The following ABR variants were observed in gnomAD, a reference collection of about 807,000 sequenced individuals.
The protein encoded by ABR is ABR activator of RhoGEF and GTPase, also known as active breakpoint cluster region-related protein.
In ABR, 35 loss-of-function variants were observed where a neutral mutation model predicts 107.2. That is an observed-to-expected ratio of 0.33 (90% confidence interval 0.25 to 0.43). The LOEUF is 0.43. Among genes scored for constraint, ABR ranks in the 20% least tolerant of loss-of-function variants. The pLI is 1.00. For synonymous variants in ABR, 498 were observed against 462.0 expected (o/e 1.08, Z -1.00); for missense variants, 815 against 1,115.2 (o/e 0.73, Z 3.83).
At chr17:1,186,428 T>TC (rs34525428) in intron 1 of ABR, among the ~76,000 whole-genome samples, 15 of 152,170 alleles carry the variant, frequency 9.9e-5, no homozygotes, top group Non-Finnish European at 1.9e-4. Flanking sequence ...GTGGACCTGC[T>TC]CCCCGGGGAG....
chr17:1,188,158 G>T (rs1355959872), upstream of ABR, among the ~76,000 whole-genome samples: 1 of 151,954 alleles, frequency 6.6e-6, no homozygotes, highest in Non-Finnish European at 1.5e-5. Flanking sequence ...AGTGAACTGA[G>T]ATCGTACCAC....
At chr17:1,221,394 C>T (rs1180074727) in intron 1 of ABR, among the ~76,000 whole-genome samples, 1 of 152,152 alleles carries the variant, frequency 6.6e-6, no homozygotes, top group African/African-American at 2.4e-5. Context: ...GCTGGATCTC[C>T]AGCAGCTATT....
chr17:1,144,010 G>A (rs949671701), intron 1 of ABR, among the ~76,000 whole-genome samples: 2 of 152,066 alleles, frequency 1.3e-5, no homozygotes, highest in Admixed American at 6.6e-5. Context: ...CCTTTGACAC[G>A]GGGGAAAACT....
chr17:1,175,390 CGA>C lies in ABR; in HGVS notation c.61+4275_61+4276del, dbSNP rs1327824814. On this transcript the variant is annotated intron_variant, in intron 1 of 22. Coordinates refer to ENST00000302538, the MANE Select transcript of ABR (RefSeq NM_021962.5). ...TCGCACCGCCGCACTCCAGCCTGGG[CGA>C]GAGAGCGAGACTCTGTCTCAAAAAA... 7.7e-4 allele frequency among the ~76,000 whole-genome samples: 117 copies of C among 152,120 alleles called. 1 individual carries two copies. The highest frequency in any genetic ancestry group is 1.0e-4 in the Non-Finnish European group (7 of 68,002).
chr17:1,101,888 C>T (rs1007578768), intron 2 of ABR, among the ~76,000 whole-genome samples: 15 of 152,232 alleles, frequency 9.9e-5, no homozygotes, highest in Admixed American at 5.2e-4. Flanking sequence ...CTCCCGCCAC[C>T]ACGCCCAGCT....
chr17:1,138,814 C>G (rs1368035742), intron 1 of ABR, among the ~76,000 whole-genome samples: 1 of 152,172 alleles, frequency 6.6e-6, no homozygotes. Context: ...CTAAGTTGTA[C>G]TGTTGCAGGA....
In ABR at chr17:1,150,914, GCA is replaced by G. The variant is rs1434109174; in HGVS notation, c.62-25549_62-25548del. Among the ~76,000 whole-genome samples, 3 of 152,050 alleles carry G rather than the reference GCA, an allele frequency of 2.0e-5. No individual in the cohort carries two copies. The highest frequency in any genetic ancestry group is 4.4e-5 in the Non-Finnish European group (3 of 68,018). On this transcript the variant is annotated intron_variant, in intron 1 of 22. Transcript: ENST00000302538. This position sits in a 1 kb window ranked among gnomAD's most constrained non-coding sequence, Gnocchi z 4.8. ...TATGTGTGCATATATATACACATGT[GCA>G]CACACACACTCCTGGGGGTGAGGAG...
chr17:1,205,517 T>C, intron 1 of ABR, among the ~76,000 whole-genome samples: 1 of 152,138 alleles, frequency 6.6e-6, no homozygotes, highest in South Asian at 2.1e-4. Context: ...TCTTTTCTAT[T>C]GAAAATGCAT....
Position 1,070,206 on chromosome 17 carries a change from G to A in ABR, c.895-116C>T, listed in dbSNP as rs1375283909. The A allele has an allele frequency of 2.1e-6, 3 of 1,399,054 alleles. No homozygotes were observed. The highest frequency in any genetic ancestry group is 2.1e-5 in the Admixed American group (1 of 48,570). 86.7% of individuals were successfully genotyped at this position (1,399,054 alleles called of 1,614,324 possible). On this transcript the variant is annotated intron_variant, in intron 8 of 22. Coordinates refer to ENST00000302538, the MANE Select transcript of ABR (RefSeq NM_021962.5). The surrounding 1 kb of genome is among the most constrained non-coding windows in gnomAD (Gnocchi z 4.2). The stretch of plus-strand genomic sequence containing the variant: ...ACTGGACCGAGAGGCGGCATAGCCT[G>A]TCATCCCTTAACCAAAGGTGGTTCA...
Position 1,177,428 on chromosome 17 carries a change from G to A in ABR, c.61+2239C>T, listed in dbSNP as rs547967262. On this transcript the variant is annotated intron_variant, in intron 1 of 22. Coordinates refer to ENST00000302538, the MANE Select transcript of ABR (RefSeq NM_021962.5). ...CCAGAGGCCAGGGCAGCAGCAGGAGGGTAGACAGCTCAGGTGCCAATCTGC... is the reference window on the plus strand; with the variant it reads ...CCAGAGGCCAGGGCAGCAGCAGGAGAGTAGACAGCTCAGGTGCCAATCTGC... Among the ~76,000 whole-genome samples the A allele has an allele frequency of 2.2e-4, 33 of 152,312 alleles. 1 individual carries two copies. In the South Asian group the frequency reaches 6.6e-3, roughly 31 times the overall value.
In ABR at chr17:1,111,895, C is replaced by T. The variant is rs186601132; in HGVS notation, c.247-11160G>A. 1.1e-4 allele frequency among the ~76,000 whole-genome samples: 17 copies of T among 152,364 alleles called. No individual in the cohort carries two copies. The East Asian group carries it at 2.7e-3, about 24-fold the overall frequency. ...GTCTCCTCACTTGGAAGCCCAGCCA[C>T]GGCCCTTCCACTCCACACATCTGGA... is the stretch of plus-strand genomic sequence containing the variant. On this transcript the variant is annotated intron_variant, in intron 2 of 22. Transcript: ENST00000302538.
intron 1 of ABR, among the ~76,000 whole-genome samples, chr17:1,171,543 T>C (rs1380338296): frequency 6.6e-6 from 1 of 152,166 alleles, no homozygotes; most frequent in Non-Finnish European, 1.5e-5. Flanking sequence ...CTGGAGACCC[T>C]GCTAGCCTTA....
chr17:1,112,856 T>G (rs1407869303), intron 2 of ABR, among the ~76,000 whole-genome samples: 2 of 151,512 alleles, frequency 1.3e-5, no homozygotes, highest in South Asian at 2.1e-4. Context: ...CCACCCTCCA[T>G]TCCCTCCTTC....
chr17:1,069,653 C>G (rs1456550414), intron 9 of ABR, among the ~76,000 whole-genome samples: 1 of 152,096 alleles, frequency 6.6e-6, no homozygotes, highest in Non-Finnish European at 1.5e-5. Flanking sequence ...GCCTGGGCAA[C>G]AGAGCAAGAC....
intron 10 of ABR, among the ~76,000 whole-genome samples, chr17:1,061,045 CAG>C (rs1190277953): frequency 3.9e-5 from 6 of 152,184 alleles, no homozygotes; most frequent in African/African-American, 1.4e-4. Flanking sequence ...TTCTGTGACT[CAG>C]AGGACGGCAC....
At chr17:1,109,802 G>A (rs1412466900) in intron 2 of ABR, among the ~76,000 whole-genome samples, 1 of 152,168 alleles carries the variant, frequency 6.6e-6, no homozygotes, top group East Asian at 1.9e-4. Context: ...CCACTGTCCT[G>A]CACAGGAGCG....
chr17:1,046,577 C>T (rs1214554085), intron 16 of ABR, among the ~76,000 whole-genome samples: 3 of 152,228 alleles, frequency 2.0e-5, no homozygotes, highest in African/African-American at 7.2e-5. Flanking sequence ...GCACCAGGCA[C>T]AAGTGTCCCC....
chr17:1,012,603 C>T (rs780143361), intron 18 of ABR, 85 bp downstream of exon 18: 8 of 983,118 alleles, frequency 8.1e-6, no homozygotes, highest in South Asian at 4.1e-5. Context: ...CCAGGATGGG[C>T]ACCGGCGGGG....
chr17:1,081,289 G>A (rs968374442), intron 5 of ABR, among the ~76,000 whole-genome samples: 9 of 152,128 alleles, frequency 5.9e-5, no homozygotes, highest in African/African-American at 1.2e-4. Flanking sequence ...TTCCCAGGCC[G>A]GTCTTGAACT....
Sources: allele counts gnomAD v4.1 joint callset (sites outside exome capture counted in the v4.1 genomes callset), GRCh38; gene constraint gnomAD v4.1.1; non-coding constraint Gnocchi (gnomAD v3.1); transcripts MANE v1.5; gene names NCBI Gene and HGNC (gene_info 2026-07-23, HGNC 2026-07-21).